Variants in CARM1 observed in about 807,000 individuals in gnomAD.
CARM1 encodes the protein histone-arginine methyltransferase CARM1.
In CARM1, 14 loss-of-function variants were observed where a neutral mutation model predicts 72.7. The ratio of observed to expected loss-of-function variants is 0.19; its 90% CI spans 0.13 to 0.30. The LOEUF (loss-of-function observed/expected upper bound fraction) is 0.30, where lower values mean the gene tolerates loss of function less well. Among genes scored for constraint, CARM1 ranks in the 10% least tolerant of loss-of-function variants. CARM1 has a pLI of 1.00. For missense variants in CARM1, 432 were observed against 833.7 expected, an observed-to-expected ratio of 0.52 and a Z score of 5.93; for synonymous variants, 333 against 345.5, an observed-to-expected ratio of 0.96 and a Z score of 0.40.
chr19:10,916,284 GGAAC>G lies in CARM1; in HGVS notation c.848-119_848-116del. On this transcript the variant is annotated intron_variant, in intron 6 of 15. Coordinates refer to ENST00000327064, the MANE Select transcript of CARM1 (RefSeq NM_199141.2). The surrounding 1 kb of genome is among the most constrained non-coding windows in gnomAD (Gnocchi z 4.4). ...TCGGTGCCACTGTCACAGGAGTGCA[GGAAC>G]GAATGGATGACAGGCTGGGAGCACC... 1.5e-6 allele frequency: 1 copy of G among 667,970 alleles called. No homozygotes were observed. The highest frequency in any genetic ancestry group is 2.7e-6 in the Non-Finnish European group (1 of 369,714). The allele number at this position is 667,970 out of a possible 1,614,324, so 41.4% of individuals were successfully genotyped here.
In CARM1 at chr19:10,920,099, G is replaced by A. The variant is rs189371628; in HGVS notation, c.1196+133G>A. The A allele has an allele frequency of 1.7e-3, 1,268 of 726,802 alleles. 9 individuals are homozygous for A. Among genetic ancestry groups the A allele is most frequent in the Middle Eastern group, 3.4e-3 (10 of 2,904 alleles). 45.0% of individuals were successfully genotyped at this position (726,802 alleles called of 1,614,324 possible). A position where few individuals can be genotyped will look rare whatever the true frequency, so the allele number is the denominator to read the frequency against. On this transcript the variant is annotated intron_variant, in intron 10 of 15. Coordinates refer to ENST00000327064, the MANE Select transcript of CARM1 (RefSeq NM_199141.2). This position sits in a 1 kb window ranked among gnomAD's most constrained non-coding sequence, Gnocchi z 5.3. ...TCCAATGGGAGTGAGAGCCTGTCTC[G>A]GAGCAAGAGACTGTTGTGGGTGGGG...
At chr19:10,921,343 C>A (rs756617843) in intron 14 of CARM1, 32 bp from the exon 15 acceptor site, 1 of 1,608,838 alleles carries the variant, frequency 6.2e-7, no homozygotes, top group South Asian at 1.1e-5. Context: ...GACGCCGTCT[C>A]CCTTCCTTCT....
In CARM1 at chr19:10,917,199, A is replaced by C. The variant is rs116855964; in HGVS notation, c.1020+422A>C. On this transcript the variant is annotated intron_variant, in intron 8 of 15. Transcript: ENST00000327064. ...ATCCATGATTTAAAAATCAAAAGGA[A>C]AAAAAAGCTAGGTGCAGTGGGTCAC... Among the ~76,000 whole-genome samples the C allele has an allele frequency of 4.2e-4, 64 of 152,278 alleles. 1 individual carries two copies. The East Asian group carries it at 0.012, about 28-fold the overall frequency.
At chr19:10,884,504 A>G (rs143588018) in intron 1 of CARM1, among the ~76,000 whole-genome samples, 1 of 151,830 alleles carries the variant, frequency 6.6e-6, no homozygotes, top group Non-Finnish European at 1.5e-5. Context: ...CCACTTTGAC[A>G]CTACACAGCT....
chr19:10,916,613 G>A lies in CARM1; in HGVS notation c.939-83G>A. ...TCTGAAAGACTTGGGCTAGATGAGGGCTGACTGGGAGAGAAGGCAGGGCTA... is the reference window on the plus strand; with the variant it reads ...TCTGAAAGACTTGGGCTAGATGAGGACTGACTGGGAGAGAAGGCAGGGCTA... On this transcript the variant is annotated intron_variant, in intron 7 of 15. Transcript: ENST00000327064. This position sits in a 1 kb window ranked among gnomAD's most constrained non-coding sequence, Gnocchi z 4.4. The A allele has an allele frequency of 7.1e-7, 1 of 1,405,198 alleles. No homozygotes were observed. Among genetic ancestry groups the A allele is most frequent in the Non-Finnish European group, 9.9e-7 (1 of 1,012,958 alleles). 87.0% of individuals were successfully genotyped at this position (1,405,198 alleles called of 1,614,324 possible).
intron 1 of CARM1, among the ~76,000 whole-genome samples, chr19:10,873,874 C>T (rs1051261532): frequency 1.3e-5 from 2 of 151,770 alleles, no homozygotes; most frequent in African/African-American, 4.8e-5. Flanking sequence ...CTCCTGACCT[C>T]GTGATCCACC....
At chr19:10,887,722 C>T (rs2073951867) in intron 1 of CARM1, among the ~76,000 whole-genome samples, 1 of 152,234 alleles carries the variant, frequency 6.6e-6, no homozygotes, top group South Asian at 2.1e-4. Flanking sequence ...GGATTACAGG[C>T]ATGTGCCAGC....
chr19:10,891,150 G>A (rs574998903), intron 1 of CARM1, among the ~76,000 whole-genome samples: 87 of 151,972 alleles, frequency 5.7e-4, no homozygotes, highest in Admixed American at 1.6e-3. Flanking sequence ...GCCTTGAGCC[G>A]GAGCACTGTG....
rs371565683 is a variant in CARM1, at chr19:10,908,186, C to G, written c.453+41C>G. ...CCTCAGCCAGGCCGCCTCCCCCCGG[C>G]AGCCCCCCTGCCACTCACCCGCAGG... On this transcript the variant is annotated intron_variant, in intron 3 of 15. Transcript: ENST00000327064. 773 of 1,360,562 alleles carry G rather than the reference C, an allele frequency of 5.7e-4. 7 individuals are homozygous for G. The Middle Eastern group carries it at 5.8e-3, about 10-fold the overall frequency. 84.3% of individuals were successfully genotyped at this position (1,360,562 alleles called of 1,614,324 possible). A position where few individuals can be genotyped will look rare whatever the true frequency, so the allele number is the denominator to read the frequency against.
intron 4 of CARM1, 76 bp downstream of exon 4, chr19:10,909,283 T>G: frequency 3.3e-6 from 3 of 922,120 alleles, no homozygotes; most frequent in Non-Finnish European, 5.2e-6. Context: ...GATTTTATCT[T>G]TAATTTTCTC....
chr19:10,883,944 G>C lies in CARM1; in HGVS notation c.220+12022G>C, dbSNP rs1382962405. 5.3e-5 allele frequency among the ~76,000 whole-genome samples: 8 copies of C among 152,132 alleles called. No individual in the cohort carries two copies. In the East Asian group the frequency reaches 1.5e-3, roughly 29 times the overall value. ...GAGGCAGGAGAATCACTTGAACCCA[G>C]GAGGCGGAGGTTGCAGTGAGCCAAG... is the stretch of plus-strand genomic sequence containing the variant. On this transcript the variant is annotated intron_variant, in intron 1 of 15. Transcript: ENST00000327064.
intron 1 of CARM1, among the ~76,000 whole-genome samples, chr19:10,885,483 G>A (rs1044772119): frequency 1.3e-5 from 2 of 152,332 alleles, no homozygotes; most frequent in South Asian, 4.1e-4. Flanking sequence ...CTGCCCAGCG[G>A]TGTGGGCATG....
rs114387807 is a variant in CARM1, at chr19:10,873,959, G to A, written c.220+2037G>A. Among the ~76,000 whole-genome samples, 1,293 of 152,196 alleles carry A rather than the reference G, an allele frequency of 8.5e-3. 21 individuals are homozygous for A. Among genetic ancestry groups the A allele is most frequent in the African/African-American group, 0.03 (1,239 of 41,534 alleles). On this transcript the variant is annotated intron_variant, in intron 1 of 15. Coordinates refer to ENST00000327064, the MANE Select transcript of CARM1 (RefSeq NM_199141.2). ...CGGCCAGAACAATTTTAGTCTTATAGATGTATTGGCAACATAGTGAGATGT... is the reference window on the plus strand; with the variant it reads ...CGGCCAGAACAATTTTAGTCTTATAAATGTATTGGCAACATAGTGAGATGT...
intron 1 of CARM1, among the ~76,000 whole-genome samples, chr19:10,885,144 G>T (rs941987443): frequency 1.3e-5 from 2 of 152,164 alleles, no homozygotes. Context: ...CTCTGGGTAG[G>T]TTTGTTCAGT....
chr19:10,910,480 T>TA lies in CARM1; in HGVS notation c.558+1284dup, dbSNP rs532451549. Among the ~76,000 whole-genome samples the TA allele has an allele frequency of 2.3e-3, 335 of 145,088 alleles. 6 individuals carry two copies. The South Asian group carries it at 0.05, about 22-fold the overall frequency. On this transcript the variant is annotated intron_variant, in intron 4 of 15. Coordinates refer to ENST00000327064, the MANE Select transcript of CARM1 (RefSeq NM_199141.2). ...TGGGCAAGAGAGCAAGACTCCGTCTTAAAAAAAAAAAGTAGAAATGTATAA... is the reference window on the plus strand; with the variant it reads ...TGGGCAAGAGAGCAAGACTCCGTCTTAAAAAAAAAAAAGTAGAAATGTATAA...
chr19:10,919,556 TG>T (rs751073922), intron 8 of CARM1, 38 bp from the exon 9 acceptor site: 5 of 1,474,112 alleles, frequency 3.4e-6, no homozygotes, highest in Non-Finnish European at 4.7e-6. Flanking sequence ...ATGCTGGCCC[TG>T]GCGTCAGATG....
In CARM1 at chr19:10,905,005, G is replaced by A; in HGVS notation, c.275G>A (p.Arg92His). Reference protein sequence around the residue: ...CSVSRETECSRVGKQSFIITL... With the variant: ...CSVSRETECSHVGKQSFIITL... ...GTGTCCCGAGAGACAGAGTGCAGCC[G>A]TGTGGGCAAGCAGTCCTTCATCATC... Residue 92 changes from arginine to histidine, a missense_variant, in exon 2 of 16, where the codon CGT (arginine) becomes CAT (histidine). Arg to His is a conservative substitution (Grantham distance 29). Transcript: ENST00000327064. 1.2e-6 allele frequency: 2 copies of A among 1,614,186 alleles called. No homozygotes were observed. Among genetic ancestry groups the A allele is most frequent in the Non-Finnish European group, 1.7e-6 (2 of 1,180,014 alleles).
At chr19:10,905,634 G>A (rs1261754447) in intron 2 of CARM1, among the ~76,000 whole-genome samples, 2 of 152,178 alleles carry the variant, frequency 1.3e-5, no homozygotes, top group African/African-American at 4.8e-5. Context: ...CCAGAGACCT[G>A]AAGTGAGTCC....
Position 10,910,983 on chromosome 19 carries a change from T to C in CARM1, c.559-1201T>C, listed in dbSNP as rs534466693. ...TCAGCTCACTGCAGCCTCTGCCTCC[T>C]GGGTTCAAGCGATTTTTGTGCCTCA... On this transcript the variant is annotated intron_variant, in intron 4 of 15. Transcript: ENST00000327064. Among the ~76,000 whole-genome samples, 13 of 152,246 alleles carry C rather than the reference T, an allele frequency of 8.5e-5. No individual in the cohort carries two copies. The South Asian group carries it at 2.3e-3, about 27-fold the overall frequency.
Sources: gnomAD v4.1 joint callset for allele counts (sites outside exome capture counted in the v4.1 genomes callset) on GRCh38, gnomAD v4.1.1 for gene constraint, Gnocchi (gnomAD v3.1) non-coding constraint, MANE v1.5 for transcripts, NCBI Gene and HGNC (gene_info 2026-07-23, HGNC 2026-07-21) for gene names.